Variants in MAPKAP1 observed in about 807,000 individuals in gnomAD.
MAPKAP1 encodes the protein MAPK associated protein 1.
MAPKAP1 carries 20 observed loss-of-function variants against 65.7 expected under a neutral mutation model. The observed-to-expected ratio is 0.30, with a 90% CI of 0.21 to 0.44. The LOEUF (loss-of-function observed/expected upper bound fraction) is 0.44, where lower values mean the gene tolerates loss of function less well. MAPKAP1 is among the 20% of genes least tolerant of loss of function. The probability of loss-of-function intolerance (pLI) is 1.00; values close to 1 mark genes in which losing one functional copy is unlikely to be tolerated. For missense variants in MAPKAP1, 423 were observed against 648.0 expected (o/e 0.65, Z 3.77); for synonymous variants, 222 against 244.3 (o/e 0.91, Z 0.85).
intron 11 of MAPKAP1, among the ~76,000 whole-genome samples, chr9:125,444,083 T>C (rs1241020103): frequency 6.6e-6 from 1 of 152,228 alleles, no homozygotes; most frequent in Non-Finnish European, 1.5e-5. Context: ...TAGGTATGTT[T>C]AGAACAGGTT....
At chr9:125,666,386 A>G (rs1271467155) in intron 3 of MAPKAP1, among the ~76,000 whole-genome samples, 1 of 152,248 alleles carries the variant, frequency 6.6e-6, no homozygotes, top group African/African-American at 2.4e-5. Flanking sequence ...ATTGTGGAAG[A>G]AGAATACTTC....
At chr9:125,693,414 CAAAA>C (rs140359169) in intron 1 of MAPKAP1, among the ~76,000 whole-genome samples, 1 of 118,596 alleles carries the variant, frequency 8.4e-6, no homozygotes, top group African/African-American at 3.9e-5. Context: ...AATTCCGCCT[CAAAA>C]AAAAAAAAAT....
chr9:125,484,109 A>G (rs766220100), intron 9 of MAPKAP1, among the ~76,000 whole-genome samples: 14 of 152,236 alleles, frequency 9.2e-5, no homozygotes, highest in Non-Finnish European at 4.4e-5. Flanking sequence ...AGTTAAGAAC[A>G]GGCAGGTGGC....
chr9:125,667,639 C>T (rs1834378590), intron 3 of MAPKAP1, among the ~76,000 whole-genome samples: 1 of 152,156 alleles, frequency 6.6e-6, no homozygotes, highest in Non-Finnish European at 1.5e-5. Context: ...CCTCAAACTC[C>T]TGGCCTCAAC....
At chr9:125,546,383 G>A (rs1392579211) in intron 6 of MAPKAP1, among the ~76,000 whole-genome samples, 1 of 152,192 alleles carries the variant, frequency 6.6e-6, no homozygotes, top group South Asian at 2.1e-4. Context: ...CACGTCTACA[G>A]CGCTTTGGGG....
At chr9:125,565,673 TC>T in intron 5 of MAPKAP1, 1 of 393,962 alleles carries the variant, frequency 2.5e-6, no homozygotes, top group Non-Finnish European at 4.8e-6. Flanking sequence ...CCAAAACCCC[TC>T]AGGAAAGTGA....
In MAPKAP1 at chr9:125,595,956, C is replaced by T; in HGVS notation, c.499-10229G>A. On this transcript the variant is annotated intron_variant, in intron 4 of 11. Transcript: ENST00000265960. This position sits in a 1 kb window ranked among gnomAD's most constrained non-coding sequence, Gnocchi z 4.0. ...TGTCTCAAGAGAAGATTCTCAAAGA[C>T]CAGGTGCCCACTTAACTGTGAAAAA... The T allele has an allele frequency of 6.8e-7, 1 of 1,468,300 alleles. No individual in the cohort carries two copies. Among genetic ancestry groups the T allele is most frequent in the South Asian group, 1.1e-5 (1 of 88,312 alleles). 91.0% of individuals were successfully genotyped at this position (1,468,300 alleles called of 1,614,324 possible). A position where few individuals can be genotyped will look rare whatever the true frequency, so the allele number is the denominator to read the frequency against.
At chr9:125,557,355 A>C (rs1377774755) in intron 6 of MAPKAP1, among the ~76,000 whole-genome samples, 1 of 152,234 alleles carries the variant, frequency 6.6e-6, no homozygotes, top group Non-Finnish European at 1.5e-5. Flanking sequence ...AGTCATATTA[A>C]TAATCAATAA....
Position 125,490,461 on chromosome 9 carries a change from C to T in MAPKAP1, c.1067-5878G>A, listed in dbSNP as rs551510960. 4.6e-5 allele frequency among the ~76,000 whole-genome samples: 7 copies of T among 152,064 alleles called. No homozygotes were observed. In the East Asian group the frequency reaches 1.4e-3, roughly 30 times the overall value. ...GGCTGAGGCAGGAAAATCGCTTACA[C>T]CCGGGAGGCAGAGGTTGCAGTGAAC... is the stretch of plus-strand genomic sequence containing the variant. On this transcript the variant is annotated intron_variant, in intron 8 of 11. Transcript: ENST00000265960.
chr9:125,450,413 A>T (rs1025659241), intron 10 of MAPKAP1, among the ~76,000 whole-genome samples: 1 of 152,182 alleles, frequency 6.6e-6, no homozygotes, highest in Non-Finnish European at 1.5e-5. Flanking sequence ...TCACAGTTGT[A>T]ATCAGATTGT....
intron 2 of MAPKAP1, among the ~76,000 whole-genome samples, chr9:125,671,248 T>G (rs112635918): frequency 3.9e-5 from 6 of 152,190 alleles, no homozygotes; most frequent in Non-Finnish European, 8.8e-5. Context: ...AAAGTTCCTT[T>G]AGATACTGGG....
At chr9:125,684,234 G>C (rs985728418) in intron 1 of MAPKAP1, among the ~76,000 whole-genome samples, 4 of 152,164 alleles carry the variant, frequency 2.6e-5, no homozygotes, top group African/African-American at 4.8e-5. Flanking sequence ...ATAATGTAAT[G>C]GTTCAAATGG....
chr9:125,587,366 G>A (rs2131582907), intron 4 of MAPKAP1, among the ~76,000 whole-genome samples: 1 of 152,300 alleles, frequency 6.6e-6, no homozygotes, highest in Non-Finnish European at 1.5e-5. Context: ...AGGAGTTTGA[G>A]ACCAACCTGG....
At chr9:125,547,773 C>T (rs969343443) in intron 6 of MAPKAP1, among the ~76,000 whole-genome samples, 3 of 152,178 alleles carry the variant, frequency 2.0e-5, no homozygotes, top group Admixed American at 1.3e-4. Context: ...TAGCCTGTGG[C>T]CCAAGCACCA....
intron 8 of MAPKAP1, among the ~76,000 whole-genome samples, chr9:125,496,358 A>G (rs1158760402): frequency 6.6e-6 from 1 of 152,242 alleles, no homozygotes; most frequent in African/African-American, 2.4e-5. Context: ...CTCCCCGCTA[A>G]AGCCAGACAG....
Position 125,519,652 on chromosome 9 carries a change from T to TTATATATATATATATATATATATA in MAPKAP1, c.959-13236_959-13235insTATATATATATATATATATATATA, listed in dbSNP as rs146480033. 1.4e-3 allele frequency among the ~76,000 whole-genome samples: 195 copies of TTATATATATATATATATATATATA among 141,640 alleles called. 2 individuals carry two copies. The highest frequency in any genetic ancestry group is 0.012 in the Admixed American group (156 of 13,444). 92.9% of individuals were successfully genotyped at this position (141,640 alleles called of 152,430 possible). On this transcript the variant is annotated intron_variant, in intron 7 of 11. Coordinates refer to ENST00000265960, the MANE Select transcript of MAPKAP1 (RefSeq NM_001006617.3). ...TAATATATATACATATATATGTCTTTTATATATATATATATATATAATTTA... is the reference window on the plus strand; with the variant it reads ...TAATATATATACATATATATGTCTTTTATATATATATATATATATATATATATATATATATATATATATAATTTA...
At chr9:125,694,897 A>AT (rs1405008010) in intron 1 of MAPKAP1, among the ~76,000 whole-genome samples, 2 of 152,252 alleles carry the variant, frequency 1.3e-5, no homozygotes, top group Non-Finnish European at 2.9e-5. Flanking sequence ...GCATATTCTT[A>AT]TAAGTCCCAA....
intron 8 of MAPKAP1, among the ~76,000 whole-genome samples, chr9:125,493,959 G>C (rs532959643): frequency 6.6e-6 from 1 of 152,284 alleles, no homozygotes; most frequent in East Asian, 1.9e-4. Flanking sequence ...GAGTAAAAAT[G>C]TTCCTCAGAT....
Position 125,559,683 on chromosome 9 carries a change from T to C in MAPKAP1, c.798A>G (p.Glu266=). 1 of 1,614,006 alleles carries C rather than the reference T, an allele frequency of 6.2e-7. No individual in the cohort carries two copies. Among genetic ancestry groups the C allele is most frequent in the Non-Finnish European group, 8.5e-7 (1 of 1,179,934 alleles). ...ATGTCAGACCAGGAGATGAGTACTTTTCAACCAGGGCCAAAGTACTGAAGC... is the reference window on the plus strand; with the variant it reads ...ATGTCAGACCAGGAGATGAGTACTTCTCAACCAGGGCCAAAGTACTGAAGC... ...KFGFSTLALV[E]KYSSPGLTSK... Residue 266 remains glutamate, a synonymous_variant, in exon 6 of 12, where the codon GAA becomes GAG. Transcript: ENST00000265960.
Sources: gnomAD v4.1 joint callset for allele counts (sites outside exome capture counted in the v4.1 genomes callset) on GRCh38, gnomAD v4.1.1 for gene constraint, Gnocchi (gnomAD v3.1) non-coding constraint, MANE v1.5 for transcripts, NCBI Gene and HGNC (gene_info 2026-07-23, HGNC 2026-07-21) for gene names.